MCM9: variants seen among roughly 807,000 people sequenced by gnomAD.
MCM9 encodes minichromosome maintenance 9 homologous recombination repair factor, also known as DNA helicase MCM9.
A neutral mutation model predicts 72.8 loss-of-function variants in MCM9; 55 were observed. The ratio of observed to expected loss-of-function variants is 0.76; its 90% CI spans 0.61 to 0.95. The LOEUF is 0.95. Ranked by LOEUF, MCM9 falls within the 40% of genes least tolerant of loss-of-function variation. The pLI, the probability that MCM9 is intolerant of heterozygous loss-of-function variation, is 0.00. For missense variants in MCM9, 1,279 were observed against 1,377.0 expected, an observed-to-expected ratio of 0.93 and a Z score of 1.13; for synonymous variants, 480 against 503.4, an observed-to-expected ratio of 0.95 and a Z score of 0.62.
chr6:118,868,167 A>G (rs1401857416), intron 8 of MCM9, among the ~76,000 whole-genome samples: 1 of 151,968 alleles, frequency 6.6e-6, no homozygotes, highest in Non-Finnish European at 1.5e-5. Flanking sequence ...GAGCCACTGC[A>G]CTCAGCCAAT....
Position 118,828,088 on chromosome 6 carries a change from A to G in MCM9, c.1571T>C (p.Met524Thr). Residue 524 changes from methionine (M) to threonine (T), a missense_variant, in exon 11 of 14, where the codon ATG (methionine) becomes ACG (threonine). Physicochemically the swap from Met to Thr is moderately conservative, Grantham distance 81. Coordinates refer to ENST00000619706, the MANE Select transcript of MCM9 (RefSeq NM_017696.3). ...KSEKLWSMEK[M>T]KTYFCLIRNL... The stretch of plus-strand genomic sequence containing the variant: ...CCTTATGAGGCAGAAATAGGTTTTC[A>G]TCTTTTCCATGCTCCAGAGCTTCTC... 6.4e-7 allele frequency: 1 copy of G among 1,550,604 alleles called. No homozygotes were observed. The highest frequency in any genetic ancestry group is 8.7e-7 in the Non-Finnish European group (1 of 1,147,000).
Position 118,816,257 on chromosome 6 carries a change from C to A in MCM9, c.1999G>T (p.Val667Leu). ...NQSVHQSQPR[V>L]LEVETTPGSL... ...CCTGGAGTAGTCTCTACCTCCAATA[C>A]CCGTGGTTGGGATTGGTGCACACTC... The change falls in exon 14 of 14, where the codon GTA (valine) becomes TTA (leucine). Residue 667 changes from valine (V) to leucine (L), a missense_variant. Transcript: ENST00000619706. The A allele has an allele frequency of 6.5e-7, 1 of 1,548,856 alleles. No homozygotes were observed. The highest frequency in any genetic ancestry group is 8.7e-7 in the Non-Finnish European group (1 of 1,146,004).
chr6:118,898,268 G>C (rs1562429078), intron 8 of MCM9, among the ~76,000 whole-genome samples: 1 of 152,146 alleles, frequency 6.6e-6, no homozygotes, highest in Non-Finnish European at 1.5e-5. Context: ...CTAATGCCCA[G>C]TATATAGTAG....
At chr6:118,899,868 G>A (rs935937320) in intron 8 of MCM9, among the ~76,000 whole-genome samples, 4 of 152,206 alleles carry the variant, frequency 2.6e-5, no homozygotes, top group African/African-American at 9.6e-5. Context: ...AGGCCACACA[G>A]TGCAAAATAC....
chr6:118,928,740 T>C (rs1782119480), intron 3 of MCM9, among the ~76,000 whole-genome samples: 1 of 151,078 alleles, frequency 6.6e-6, no homozygotes, highest in Non-Finnish European at 1.5e-5. Context: ...TAGTCCCAGC[T>C]ACCCAGGAGG....
At chr6:118,857,203 G>T (rs143816123) in intron 8 of MCM9, among the ~76,000 whole-genome samples, 1,573 of 152,290 alleles carry the variant, frequency 0.01, 29 homozygotes, top group African/African-American at 0.036. Flanking sequence ...ACTATACGCT[G>T]TTTACAGAAA....
At chr6:118,890,219 T>C (rs1423380756) in intron 8 of MCM9, among the ~76,000 whole-genome samples, 1 of 152,224 alleles carries the variant, frequency 6.6e-6, no homozygotes, top group Non-Finnish European at 1.5e-5. Flanking sequence ...TCCGCCAGCC[T>C]GTGGGTTCTT....
At chr6:118,906,522 G>T (rs917160124) in intron 8 of MCM9, among the ~76,000 whole-genome samples, 1 of 152,078 alleles carries the variant, frequency 6.6e-6, no homozygotes, top group Non-Finnish European at 1.5e-5. Context: ...TGATATTTTT[G>T]TGTGTAACTC....
At chr6:118,876,330 C>T (rs1777929851) in intron 8 of MCM9, among the ~76,000 whole-genome samples, 1 of 152,028 alleles carries the variant, frequency 6.6e-6, no homozygotes, top group South Asian at 2.1e-4. Context: ...TATACATTTG[C>T]CAAAGCCCAT....
intron 8 of MCM9, among the ~76,000 whole-genome samples, chr6:118,880,727 A>C (rs1778232809): frequency 6.6e-6 from 1 of 152,238 alleles, no homozygotes; most frequent in Admixed American, 6.5e-5. Flanking sequence ...TTGGGTTTTT[A>C]GTACTGGAAT....
chr6:118,929,904 T>C (rs1198390276), intron 3 of MCM9, among the ~76,000 whole-genome samples: 4 of 152,138 alleles, frequency 2.6e-5, no homozygotes, highest in African/African-American at 9.7e-5. Flanking sequence ...CTCTTCATAA[T>C]TTATCCTAGC....
chr6:118,851,398 G>C (rs1425588972), intron 9 of MCM9, among the ~76,000 whole-genome samples: 1 of 151,664 alleles, frequency 6.6e-6, no homozygotes, highest in East Asian at 1.9e-4. Context: ...GAAATAAAAG[G>C]TACAAACCAC....
chr6:118,896,432 AAGAT>A (rs1482525671), intron 8 of MCM9, among the ~76,000 whole-genome samples: 1 of 152,194 alleles, frequency 6.6e-6, no homozygotes, highest in Admixed American at 6.5e-5. Flanking sequence ...CTGAACAAAG[AAGAT>A]AGATGACTCA....
chr6:118,835,234 G>A (rs1420878908), intron 9 of MCM9, among the ~76,000 whole-genome samples: 2 of 152,184 alleles, frequency 1.3e-5, no homozygotes, highest in Non-Finnish European at 2.9e-5. Context: ...CCAGTATCAT[G>A]CTGTTTTGGT....
intron 9 of MCM9, among the ~76,000 whole-genome samples, chr6:118,831,322 C>A (rs1452517377): frequency 1.7e-4 from 16 of 91,750 alleles, no homozygotes; most frequent in African/African-American, 6.2e-4. Flanking sequence ...ATTGCACTCA[C>A]AAAGCAAGAG....
Position 118,814,787 on chromosome 6 carries a change from TGAA to T in MCM9, c.*34_*36del, listed in dbSNP as rs1386315360. The T allele has an allele frequency of 1.4e-5, 20 of 1,465,970 alleles. No individual in the cohort carries two copies. Among genetic ancestry groups the T allele is most frequent in the African/African-American group, 1.0e-4 (7 of 70,038 alleles). The allele number at this position is 1,465,970 out of a possible 1,614,324, so 90.8% of individuals were successfully genotyped here. A position where few individuals can be genotyped will look rare whatever the true frequency, so the allele number is the denominator to read the frequency against. ...ATATCCTGAAGGTCCTCTGTGGAGT[TGAA>T]GAAGGTGAGATTTGACCAGAAAGCT... On this transcript the variant is annotated 3_prime_UTR_variant, in exon 14 of 14. Coordinates refer to ENST00000619706, the MANE Select transcript of MCM9 (RefSeq NM_017696.3).
At chr6:118,855,018 C>T (rs1244637233) in intron 9 of MCM9, among the ~76,000 whole-genome samples, 1 of 152,048 alleles carries the variant, frequency 6.6e-6, no homozygotes, top group African/African-American at 2.4e-5. Context: ...AGTCCTTTAC[C>T]ACATAGAGTG....
Position 118,918,595 on chromosome 6 carries a change from T to G in MCM9, c.704-834A>C, listed in dbSNP as rs1781153473. 3.3e-5 allele frequency: 5 copies of G among 152,282 alleles called. No individual in the cohort carries two copies. The South Asian group carries it at 1.0e-3, about 32-fold the overall frequency. 9.4% of individuals were successfully genotyped at this position (152,282 alleles called of 1,614,324 possible). A position where few individuals can be genotyped will look rare whatever the true frequency, so the allele number is the denominator to read the frequency against. ...TACAAATGTTTGGCCTTCCATATTTTGGTACTGGAGAAAGTGGGCCAAAAA... is the reference window on the plus strand; with the variant it reads ...TACAAATGTTTGGCCTTCCATATTTGGGTACTGGAGAAAGTGGGCCAAAAA... On this transcript the variant is annotated intron_variant, in intron 5 of 13. Transcript: ENST00000619706.
chr6:118,855,071 C>G (rs1402303938), intron 9 of MCM9, among the ~76,000 whole-genome samples: 1 of 152,088 alleles, frequency 6.6e-6, no homozygotes, highest in African/African-American at 2.4e-5. Context: ...GTGGTTATGA[C>G]AAACTGCCTG....
Sources: allele counts gnomAD v4.1 joint callset (sites outside exome capture counted in the v4.1 genomes callset), GRCh38; gene constraint gnomAD v4.1.1; transcripts MANE v1.5; gene names NCBI Gene and HGNC (gene_info 2026-07-23, HGNC 2026-07-21).